The following LAMA1 variants were observed in gnomAD, a reference collection of about 807,000 sequenced individuals.
LAMA1 encodes the protein laminin subunit alpha 1, also known as laminin subunit alpha-1.
Under a neutral mutation model 348.7 loss-of-function variants are expected in LAMA1, and 219 were observed. The ratio of observed to expected loss-of-function variants is 0.63; its 90% CI spans 0.56 to 0.70. The LOEUF (loss-of-function observed/expected upper bound fraction) is 0.70. Ranked by LOEUF, LAMA1 falls within the 30% of genes least tolerant of loss-of-function variation. The probability of loss-of-function intolerance (pLI) is 0.00; values close to 1 mark genes in which losing one functional copy is unlikely to be tolerated. For missense variants in LAMA1, 3,744 were observed against 3,888.0 expected (o/e 0.96, Z 0.99); for synonymous variants, 1,487 against 1,491.0 (o/e 1.00, Z 0.06).
In LAMA1 at chr18:7,075,991, T is replaced by G. The variant is rs116659155; in HGVS notation, c.345+3984A>C. ...GCAATTATTGACTCAGTGCCTGAACTGTGCCAATGTCTGGGTGTGCAGAAG... is the reference window on the plus strand; with the variant it reads ...GCAATTATTGACTCAGTGCCTGAACGGTGCCAATGTCTGGGTGTGCAGAAG... On this transcript the variant is annotated intron_variant, in intron 3 of 62. Coordinates refer to ENST00000389658, the MANE Select transcript of LAMA1 (RefSeq NM_005559.4). 1.8e-3 allele frequency among the ~76,000 whole-genome samples: 266 copies of G among 151,438 alleles called. 1 individual carries two copies. The highest frequency in any genetic ancestry group is 5.9e-3 in the African/African-American group (245 of 41,224).
At chr18:7,057,969 TA>T (rs1428784122) in intron 3 of LAMA1, among the ~76,000 whole-genome samples, 1 of 150,348 alleles carries the variant, frequency 6.7e-6, no homozygotes. Context: ...CAATTTTTTT[TA>T]ATTTTTTTTT....
At chr18:7,103,122 T>A (rs2058297746) in intron 1 of LAMA1, among the ~76,000 whole-genome samples, 1 of 152,188 alleles carries the variant, frequency 6.6e-6, no homozygotes, top group South Asian at 2.1e-4. Flanking sequence ...TGGTTTAGAA[T>A]GTGAGTGGAG....
chr18:7,031,534 T>TA (rs199977999), intron 16 of LAMA1, among the ~76,000 whole-genome samples: 2 of 151,874 alleles, frequency 1.3e-5, no homozygotes, highest in South Asian at 2.1e-4. Context: ...TATCATGATT[T>TA]AAAAAAAATA....
At chr18:7,025,188 C>T (rs1312484994) in intron 17 of LAMA1, among the ~76,000 whole-genome samples, 1 of 152,174 alleles carries the variant, frequency 6.6e-6, no homozygotes, top group Non-Finnish European at 1.5e-5. Flanking sequence ...GACTATAAGA[C>T]CTTGCCTGGT....
intron 24 of LAMA1, 90 bp from the exon 25 acceptor site, chr18:7,011,569 T>C (rs2057860936): frequency 1.7e-6 from 2 of 1,189,528 alleles, no homozygotes; most frequent in Non-Finnish European, 2.4e-6. Flanking sequence ...GTTTCACAGA[T>C]GAAACAGCTT....
intron 19 of LAMA1, among the ~76,000 whole-genome samples, chr18:7,022,828 T>G (rs1218808191): frequency 3.3e-5 from 5 of 152,170 alleles, no homozygotes; most frequent in African/African-American, 1.2e-4. Flanking sequence ...GCATCTCCCT[T>G]ACGAATGTGA....
intron 56 of LAMA1, 199 bp from the exon 57 acceptor site, chr18:6,955,664 A>G (rs1272753662): frequency 2.9e-6 from 2 of 681,428 alleles, no homozygotes; most frequent in Non-Finnish European, 2.7e-6. Flanking sequence ...GAAAGCACTT[A>G]GAGCTTCTGT....
rs150296166 is a variant in LAMA1 at position 6,974,282 on chromosome 18, A to G, written c.6623+621T>C. On this transcript the variant is annotated intron_variant, in intron 46 of 62. Coordinates refer to ENST00000389658, the MANE Select transcript of LAMA1 (RefSeq NM_005559.4). ...ATATTGTCAAATTATAGTTGTATAT[A>G]CTTCTGAGGTGCAAAATGTTGTTAT... Among the ~76,000 whole-genome samples the G allele has an allele frequency of 6.2e-3, 944 of 152,104 alleles. 6 individuals carry two copies. Among genetic ancestry groups the G allele is most frequent in the African/African-American group, 0.021 (885 of 41,486 alleles).
intron 5 of LAMA1, among the ~76,000 whole-genome samples, chr18:7,047,217 G>GT (rs1417321500): frequency 2.0e-5 from 3 of 151,814 alleles, no homozygotes; most frequent in Admixed American, 1.3e-4. Context: ...GCTAATTTTT[G>GT]TATTTTTAGT....
intron 12 of LAMA1, 104 bp downstream of exon 12, chr18:7,037,474 C>T: frequency 1.6e-6 from 2 of 1,279,652 alleles, no homozygotes; most frequent in Middle Eastern, 2.6e-4. Context: ...GTCCAACACT[C>T]AGGTGCCCTA....
chr18:7,005,792 A>G (rs558850844), intron 29 of LAMA1, among the ~76,000 whole-genome samples: 3 of 152,280 alleles, frequency 2.0e-5, no homozygotes, highest in South Asian at 4.1e-4. Flanking sequence ...TCTGACAAGA[A>G]TAGAAGGACC....
At chr18:7,106,398 T>C (rs967137775) in intron 1 of LAMA1, among the ~76,000 whole-genome samples, 3 of 150,910 alleles carry the variant, frequency 2.0e-5, no homozygotes, top group Non-Finnish European at 4.4e-5. Context: ...TCTCACTCTG[T>C]CGCCAGGCTG....
chr18:7,100,359 G>T lies in LAMA1; in HGVS notation c.61+17301C>A, dbSNP rs1372071523. On this transcript the variant is annotated intron_variant, in intron 1 of 62. Transcript: ENST00000389658. Reference sequence around the variant, plus strand: ...TATCATCAGGTAATGCATAGTGTTGGTAAGAATGTGGGGAAGATGGAACAC... The same window carrying T: ...TATCATCAGGTAATGCATAGTGTTGTTAAGAATGTGGGGAAGATGGAACAC... Among the ~76,000 whole-genome samples the T allele has an allele frequency of 4.6e-5, 7 of 152,016 alleles. No homozygotes were observed. The East Asian group carries it at 1.3e-3, about 29-fold the overall frequency.
intron 3 of LAMA1, among the ~76,000 whole-genome samples, chr18:7,063,915 G>A (rs2058112382): frequency 6.6e-6 from 1 of 152,142 alleles, no homozygotes; most frequent in Admixed American, 6.6e-5. Context: ...AGATGAAAAA[G>A]TTCTGGGGAT....
Position 6,948,233 on chromosome 18 carries a change from C to T in LAMA1, c.8710+170G>A, listed in dbSNP as rs139432706. 1.5e-3 allele frequency among the ~76,000 whole-genome samples: 234 copies of T among 152,286 alleles called. 2 individuals carry two copies. Among genetic ancestry groups the T allele is most frequent in the African/African-American group, 5.3e-3 (222 of 41,558 alleles). On this transcript the variant is annotated intron_variant, in intron 60 of 62. Coordinates refer to ENST00000389658, the MANE Select transcript of LAMA1 (RefSeq NM_005559.4). ...GTCAGGCCATCCAGATAGCACAAGA[C>T]CTGAGAAGGCTTTTTACGCCAAGAA...
intron 57 of LAMA1, 192 bp downstream of exon 57, chr18:6,955,161 C>G (rs1352037769): frequency 6.4e-6 from 4 of 621,554 alleles, no homozygotes; most frequent in Non-Finnish European, 1.2e-5. Flanking sequence ...ACCACAGACT[C>G]CCCAGTGAAC....
intron 1 of LAMA1, among the ~76,000 whole-genome samples, chr18:7,114,113 C>T (rs1432348212): frequency 6.7e-6 from 1 of 149,984 alleles, no homozygotes; most frequent in Non-Finnish European, 1.5e-5. Flanking sequence ...AAAGAGACTA[C>T]ACAGATTTTC....
In LAMA1 at chr18:6,978,268, A is replaced by G. The variant is rs1600366432; in HGVS notation, c.6118T>C (p.Ser2040Pro). The G allele has an allele frequency of 1.9e-6, 3 of 1,614,184 alleles. No individual in the cohort carries two copies. The highest frequency in any genetic ancestry group is 2.5e-6 in the Non-Finnish European group (3 of 1,180,040). ...AGLSQELLNT[S>P]ASLSRVNTTL... ...GTGTTGACCCTGGACAGGCTGGCAG[A>G]TGTGTTCAGCAGCTCCTGGCTCAGC... Residue 2040 changes from serine to proline, a missense_variant, in exon 43 of 63, where the codon TCT (serine) becomes CCT (proline). This residue lies in a region of LAMA1 where 1,983 missense variants were observed against 1,934.3 expected (regional missense o/e 1.03). Transcript: ENST00000389658.
At position 6,958,604 on chromosome 18, in the gene LAMA1, C is replaced by A; in HGVS notation, c.7837G>T (p.Val2613Leu). ...NPVEMKLGTLVESRTINVSNL... is the reference protein window; with the variant it reads ...NPVEMKLGTLLESRTINVSNL... ...GACACATTTATCGTCCTGCTTTCTA[C>A]TAATGTGCCCAACTTCATTTCCACA... The change falls in exon 55 of 63, where the codon GTA becomes TTA. Residue 2613 changes from valine (V) to leucine (L), a missense_variant. Physicochemically the swap from Val to Leu is conservative, Grantham distance 32. Around this residue, in one of 3 missense-constraint regions of LAMA1, gnomAD observed 1,983 missense variants for 1,934.3 expected, o/e 1.03. Transcript: ENST00000389658. 6.2e-7 allele frequency: 1 copy of A among 1,614,212 alleles called. No homozygotes were observed.
Sources: allele counts gnomAD v4.1 joint callset (sites outside exome capture counted in the v4.1 genomes callset), GRCh38; gene constraint gnomAD v4.1.1; regional missense constraint gnomAD v4.1.1; transcripts MANE v1.5; gene names NCBI Gene and HGNC (gene_info 2026-07-23, HGNC 2026-07-21).